The following NBPF15 variants were observed in gnomAD, a reference collection of about 807,000 sequenced individuals.
The protein encoded by NBPF15 is NBPF member 15, also known as NBPF family member NBPF15.
Under a neutral mutation model 62.2 loss-of-function variants are expected in NBPF15, and 74 were observed. The observed-to-expected ratio is 1.19, with a 90% CI of 0.99 to 1.44. The LOEUF (loss-of-function observed/expected upper bound fraction) is 1.44, where lower values mean the gene tolerates loss of function less well. Ranked by LOEUF, NBPF15 falls within the 40% of genes most tolerant of loss-of-function variation. NBPF15 has a pLI of 0.00. For synonymous variants in NBPF15, 244 were observed against 209.7 expected, an observed-to-expected ratio of 1.16 and a Z score of -1.41; for missense variants, 790 against 550.0, an observed-to-expected ratio of 1.44 and a Z score of -4.36.
rs1649322367 is a variant in NBPF15, at chr1:144,457,913, A to C, written c.-700-1108T>G. On this transcript the variant is annotated intron_variant, in intron 3 of 21. Coordinates refer to ENST00000581897, the MANE Select transcript of NBPF15 (RefSeq NM_001385408.1). ...GAAACCAGTCTGAGCACTACAGGAA[A>C]ACCCTGTCTACAAAAAATAGAAAAT... Among the ~76,000 whole-genome samples, 3 of 151,798 alleles carry C rather than the reference A, an allele frequency of 2.0e-5. No homozygotes were observed. In the South Asian group the frequency reaches 6.2e-4, roughly 32 times the overall value.
chr1:144,443,967 T>C (rs1685377355), intron 6 of NBPF15, among the ~76,000 whole-genome samples: 1 of 151,726 alleles, frequency 6.6e-6, no homozygotes, highest in Admixed American at 6.6e-5. Flanking sequence ...GTTTGCATTT[T>C]TAACCATTTT....
intron 4 of NBPF15, among the ~76,000 whole-genome samples, chr1:144,455,426 G>C (rs1462593627): frequency 6.6e-6 from 1 of 152,022 alleles, no homozygotes; most frequent in Non-Finnish European, 1.5e-5. Context: ...AAAACTATAT[G>C]CTGTTTCCAC....
At chr1:144,434,795 G>T in intron 12 of NBPF15, among the ~76,000 whole-genome samples, 1 of 151,978 alleles carries the variant, frequency 6.6e-6, no homozygotes. Context: ...CATTGTTCAG[G>T]GACAGATGAC....
intron 11 of NBPF15, among the ~76,000 whole-genome samples, 169 bp from the exon 12 acceptor site, chr1:144,435,485 C>T (rs1677529809): frequency 6.6e-6 from 1 of 151,796 alleles, no homozygotes; most frequent in African/African-American, 2.4e-5. Context: ...TGCAACAGAG[C>T]ATGGCTGCCA....
chr1:144,437,534 A>C (rs1180492512), intron 9 of NBPF15, among the ~76,000 whole-genome samples: 40 of 150,298 alleles, frequency 2.7e-4, no homozygotes, highest in African/African-American at 9.8e-4. Context: ...AGAAGAAAAG[A>C]ATGACAGGGT....
intron 4 of NBPF15, among the ~76,000 whole-genome samples, chr1:144,451,938 G>T (rs1286043171): frequency 6.6e-6 from 1 of 151,680 alleles, no homozygotes; most frequent in African/African-American, 2.4e-5. Context: ...GATCACTTGA[G>T]GTCAAGAGTT....
At chr1:144,447,358 G>A (rs6593877) in intron 6 of NBPF15, among the ~76,000 whole-genome samples, 7,869 of 133,542 alleles carry the variant, frequency 0.059, 84 homozygotes, top group East Asian at 0.37. Flanking sequence ...GAGAATTGGG[G>A]CTGTGGAAGA....
rs782634563 is a variant in NBPF15, at chr1:144,423,138, T to G, written c.1888A>C (p.Ser630Arg). Residue 630 changes from serine (S) to arginine (R), a missense_variant, in exon 22 of 22, where the codon AGT (serine) becomes CGT (arginine). Physicochemically the swap from Ser to Arg is moderately radical, Grantham distance 110. Transcript: ENST00000581897. ...TCTTCCTCAAATGAGTAAAACACAC[T>G]TCTGTAGTGCTGGAATGAGTCAGGT... ...EQPDSFQHYR[S>R]VFYSFEEEHI... 3 of 1,611,466 alleles carry G rather than the reference T, an allele frequency of 1.9e-6. No homozygotes were observed. The highest frequency in any genetic ancestry group is 2.5e-6 in the Non-Finnish European group (3 of 1,179,614).
At chr1:144,434,419 T>G (rs1277991947) in intron 12 of NBPF15, among the ~76,000 whole-genome samples, 1 of 147,328 alleles carries the variant, frequency 6.8e-6, no homozygotes, top group African/African-American at 2.6e-5. Flanking sequence ...GAGAATCACT[T>G]GAATCTGGGA....
intron 13 of NBPF15, among the ~76,000 whole-genome samples, chr1:144,432,810 T>C (rs587760666): frequency 5.1e-4 from 76 of 147,792 alleles, no homozygotes; most frequent in African/African-American, 1.9e-3. Context: ...ATAAAGCAAG[T>C]CCTGAGAGAC....
intron 13 of NBPF15, among the ~76,000 whole-genome samples, chr1:144,431,450 T>G (rs1674211757): frequency 6.7e-6 from 1 of 148,870 alleles, no homozygotes; most frequent in African/African-American, 2.6e-5. Context: ...ATGTATAGTT[T>G]TCCTTTATTA....
chr1:144,439,022 C>G (rs1317537799), intron 8 of NBPF15, among the ~76,000 whole-genome samples: 3 of 151,682 alleles, frequency 2.0e-5, no homozygotes, highest in African/African-American at 7.3e-5. Context: ...CTTGCCCTGT[C>G]GCCCAGGCTG....
chr1:144,451,944 G>C (rs1382351867), intron 4 of NBPF15, among the ~76,000 whole-genome samples: 1 of 151,698 alleles, frequency 6.6e-6, no homozygotes, highest in Non-Finnish European at 1.5e-5. Flanking sequence ...TTGAGGTCAA[G>C]AGTTAGAGAC....
At chr1:144,446,429 T>C (rs1553544073) in intron 6 of NBPF15, among the ~76,000 whole-genome samples, 1 of 152,428 alleles carries the variant, frequency 6.6e-6, no homozygotes, top group Middle Eastern at 3.4e-3. Flanking sequence ...CTTACTTTAT[T>C]GCATTGATTT....
At chr1:144,427,218 G>A in intron 16 of NBPF15, 120 bp from the exon 17 acceptor site, 1 of 677,664 alleles carries the variant, frequency 1.5e-6, no homozygotes, top group East Asian at 2.6e-5. Context: ...AGGACACTGT[G>A]AGAGATATTC....
At chr1:144,429,217 G>C (rs1672370676) in intron 14 of NBPF15, among the ~76,000 whole-genome samples, 2 of 150,346 alleles carry the variant, frequency 1.3e-5, no homozygotes, top group South Asian at 4.2e-4. Flanking sequence ...AGAAGACACA[G>C]AAAATGGGAA....
chr1:144,425,164 G>T (rs1571105848), intron 19 of NBPF15, among the ~76,000 whole-genome samples: 1 of 142,424 alleles, frequency 7.0e-6, no homozygotes, highest in Non-Finnish European at 1.5e-5. Flanking sequence ...ACACACTGAT[G>T]AGGGAGTAAC....
At chr1:144,427,151 A>G (rs1670324418) in intron 16 of NBPF15, 53 bp from the exon 17 acceptor site, 1 of 559,474 alleles carries the variant, frequency 1.8e-6, no homozygotes, top group Non-Finnish European at 3.1e-6. Flanking sequence ...TCCTACACAC[A>G]TAACAATCCA....
At chr1:144,457,775 T>C (rs1649189552) in intron 3 of NBPF15, among the ~76,000 whole-genome samples, 1 of 152,052 alleles carries the variant, frequency 6.6e-6, no homozygotes, top group East Asian at 1.9e-4. Context: ...ATCTTTTAAA[T>C]TAGAAAAACA....
Sources: allele counts gnomAD v4.1 joint callset (sites outside exome capture counted in the v4.1 genomes callset), GRCh38; gene constraint gnomAD v4.1.1; transcripts MANE v1.5; gene names NCBI Gene and HGNC (gene_info 2026-07-23, HGNC 2026-07-21).